The following PTPRD variants were observed in gnomAD, a reference collection of about 807,000 sequenced individuals.
PTPRD encodes the protein receptor-type tyrosine-protein phosphatase delta.
PTPRD carries 34 observed loss-of-function variants against 214.5 expected under a neutral mutation model. The ratio of observed to expected loss-of-function variants is 0.16; its 90% CI spans 0.12 to 0.21. The LOEUF is 0.21. Among genes scored for constraint, PTPRD ranks in the 10% least tolerant of loss-of-function variants. PTPRD has a pLI of 1.00. For missense variants in PTPRD, 2,545 were observed against 2,398.7 expected (o/e 1.06, Z -1.27); for synonymous variants, 1,128 against 845.7 (o/e 1.33, Z -5.79).
At chr9:10,214,174 T>C (rs943580028) in intron 3 of PTPRD, among the ~76,000 whole-genome samples, 2 of 152,148 alleles carry the variant, frequency 1.3e-5, no homozygotes, top group Non-Finnish European at 2.9e-5. Flanking sequence ...TATTTAAATG[T>C]GGAAATTATA....
At chr9:10,199,905 ACACACG>A (rs78928819) in intron 3 of PTPRD, among the ~76,000 whole-genome samples, 35,074 of 149,276 alleles carry the variant, frequency 0.23, 4,082 homozygotes, top group East Asian at 0.43. Flanking sequence ...ACTCGCGCGC[ACACACG>A]CACACACACA....
At chr9:9,407,405 G>A (rs10123763) in intron 8 of PTPRD, among the ~76,000 whole-genome samples, 131,029 of 151,644 alleles carry the variant, frequency 0.86, 56,753 homozygotes, top group African/African-American at 0.88. Context: ...ATATTTGTAC[G>A]TGTTTAATTG....
intron 2 of PTPRD, among the ~76,000 whole-genome samples, chr9:10,392,184 G>C (rs1336856683): frequency 1.3e-5 from 2 of 151,952 alleles, no homozygotes; most frequent in Non-Finnish European, 2.9e-5. Context: ...TAAGAGTTTA[G>C]TGCATTTTCT....
chr9:8,966,730 T>C (rs1219406336), intron 11 of PTPRD, among the ~76,000 whole-genome samples: 1 of 151,948 alleles, frequency 6.6e-6, no homozygotes. Flanking sequence ...TCAAAAACAA[T>C]TGCAACAAAA....
At chr9:8,541,527 T>A (rs372013042) in intron 14 of PTPRD, among the ~76,000 whole-genome samples, 1 of 152,094 alleles carries the variant, frequency 6.6e-6, no homozygotes, top group Non-Finnish European at 1.5e-5. Flanking sequence ...ACCATACCCG[T>A]CTTTTCTTTT....
chr9:9,845,731 T>C (rs1036180858), intron 5 of PTPRD, among the ~76,000 whole-genome samples: 5 of 151,974 alleles, frequency 3.3e-5, no homozygotes. Context: ...AAATCAATCA[T>C]ATGAGAGAAA....
intron 7 of PTPRD, among the ~76,000 whole-genome samples, chr9:9,581,366 G>A (rs959250886): frequency 6.6e-6 from 1 of 152,096 alleles, no homozygotes; most frequent in African/African-American, 2.4e-5. Flanking sequence ...TAGGTTATCA[G>A]AAACACTTTC....
intron 11 of PTPRD, among the ~76,000 whole-genome samples, chr9:8,865,778 T>G (rs973527216): frequency 2.0e-5 from 3 of 152,144 alleles, no homozygotes; most frequent in African/African-American, 7.2e-5. Context: ...TTATTGAGAC[T>G]GTGCTGAAAG....
chr9:9,162,995 C>A (rs1186256589), intron 10 of PTPRD, among the ~76,000 whole-genome samples: 1 of 152,110 alleles, frequency 6.6e-6, no homozygotes, highest in South Asian at 2.1e-4. Context: ...GGGTACAACT[C>A]TCTTCTGGTG....
intron 10 of PTPRD, among the ~76,000 whole-genome samples, chr9:9,064,935 C>T (rs1212648845): frequency 6.6e-6 from 1 of 152,148 alleles, no homozygotes; most frequent in Non-Finnish European, 1.5e-5. Context: ...ATGGACAGAA[C>T]TATGGAGGAG....
intron 3 of PTPRD, among the ~76,000 whole-genome samples, chr9:10,101,225 T>C (rs1591204863): frequency 6.6e-6 from 1 of 151,500 alleles, no homozygotes. Context: ...AGAAAGCAAG[T>C]AAAAGTAGAT....
At chr9:10,186,807 T>C (rs977457545) in intron 3 of PTPRD, among the ~76,000 whole-genome samples, 2 of 152,088 alleles carry the variant, frequency 1.3e-5, no homozygotes, top group Non-Finnish European at 2.9e-5. Flanking sequence ...TTTTAACATC[T>C]GGGGAAGACT....
At chr9:8,625,472 A>G (rs1351962367) in intron 14 of PTPRD, among the ~76,000 whole-genome samples, 1 of 151,758 alleles carries the variant, frequency 6.6e-6, no homozygotes, top group Non-Finnish European at 1.5e-5. Context: ...GTTAATATTG[A>G]TTTTCTGGTC....
At chr9:10,554,258 A>T (rs1321042437) in intron 2 of PTPRD, among the ~76,000 whole-genome samples, 1 of 152,062 alleles carries the variant, frequency 6.6e-6, no homozygotes, top group Admixed American at 6.6e-5. Flanking sequence ...TTTTTCCCCA[A>T]TGGATTTTAC....
In PTPRD at chr9:10,414,527, T is replaced by TG. The variant is rs537029108; in HGVS notation, c.-599-73511dup. On this transcript the variant is annotated intron_variant, in intron 2 of 45. Coordinates refer to ENST00000381196, the MANE Select transcript of PTPRD (RefSeq NM_002839.4). ...AGTTCAACTATTGTGGAAAGCAGCG[T>TG]GGCAATTCCTCCAAGAGCTAAAAAC... is the stretch of plus-strand genomic sequence containing the variant. 1.3e-4 allele frequency among the ~76,000 whole-genome samples: 20 copies of TG among 152,098 alleles called. No homozygotes were observed. The South Asian group carries it at 4.1e-3, about 31-fold the overall frequency.
intron 4 of PTPRD, among the ~76,000 whole-genome samples, chr9:9,942,123 C>G (rs574224652): frequency 2.0e-5 from 3 of 152,246 alleles, no homozygotes; most frequent in Non-Finnish European, 2.9e-5. Context: ...CTCCATGCTT[C>G]CCATTTCCCA....
chr9:9,489,592 T>C (rs1001068160), intron 8 of PTPRD, among the ~76,000 whole-genome samples: 1 of 151,908 alleles, frequency 6.6e-6, no homozygotes, highest in African/African-American at 2.4e-5. Flanking sequence ...CTAAAAGAAA[T>C]TCTGGAGCTG....
chr9:8,489,094 G>C (rs913619920), intron 27 of PTPRD, among the ~76,000 whole-genome samples: 1 of 152,068 alleles, frequency 6.6e-6, no homozygotes, highest in African/African-American at 2.4e-5. Context: ...TCATTTATGA[G>C]CATGTTCTTA....
At chr9:9,193,861 T>A (rs1473445163) in intron 9 of PTPRD, among the ~76,000 whole-genome samples, 1 of 152,076 alleles carries the variant, frequency 6.6e-6, no homozygotes, top group African/African-American at 2.4e-5. Flanking sequence ...ACTAAATTTA[T>A]TTTAAAATGT....
Sources: allele counts gnomAD v4.1 joint callset (sites outside exome capture counted in the v4.1 genomes callset), GRCh38; gene constraint gnomAD v4.1.1; transcripts MANE v1.5; gene names NCBI Gene and HGNC (gene_info 2026-07-23, HGNC 2026-07-21).